Variants in ADAM12 observed in about 807,000 individuals in gnomAD.
The protein encoded by ADAM12 is disintegrin and metalloproteinase domain-containing protein 12.
In ADAM12, 70 loss-of-function variants were observed where a neutral mutation model predicts 106.4. The observed-to-expected ratio is 0.66, with a 90% confidence interval of 0.54 to 0.80. ADAM12 has a LOEUF of 0.80. Ranked by LOEUF, ADAM12 falls within the 30% of genes least tolerant of loss-of-function variation. ADAM12 has a pLI of 0.00. For synonymous variants in ADAM12, 420 were observed against 433.5 expected (o/e 0.97, Z 0.39); for missense variants, 1,010 against 1,171.9 (o/e 0.86, Z 2.02).
At chr10:126,338,453 C>T (rs1370818376) in intron 1 of ADAM12, among the ~76,000 whole-genome samples, 3 of 151,518 alleles carry the variant, frequency 2.0e-5, no homozygotes, top group Admixed American at 6.6e-5. Context: ...GGGGTTTCAC[C>T]GTTTTAGCCG....
chr10:126,185,068 C>T (rs1002928556), intron 3 of ADAM12, among the ~76,000 whole-genome samples: 3 of 152,182 alleles, frequency 2.0e-5, no homozygotes, highest in African/African-American at 7.2e-5. Flanking sequence ...TTCTCTCTTT[C>T]GGGGCCATAT....
intron 1 of ADAM12, among the ~76,000 whole-genome samples, chr10:126,378,127 G>A (rs1199245561): frequency 6.6e-6 from 1 of 152,054 alleles, no homozygotes; most frequent in Non-Finnish European, 1.5e-5. Context: ...ATCCAGCTTG[G>A]CAACATTTAA....
intron 3 of ADAM12, among the ~76,000 whole-genome samples, chr10:126,223,207 G>A (rs972833190): frequency 1.3e-5 from 2 of 152,174 alleles, no homozygotes; most frequent in Non-Finnish European, 2.9e-5. Flanking sequence ...AAATAAACTT[G>A]TGTTATTCAA....
intron 3 of ADAM12, among the ~76,000 whole-genome samples, chr10:126,195,401 C>T (rs1957578667): frequency 6.6e-6 from 1 of 151,912 alleles, no homozygotes; most frequent in Non-Finnish European, 1.5e-5. Context: ...ATGGTGAAAC[C>T]CCATCTCTAC....
chr10:126,046,086 T>G lies in ADAM12; in HGVS notation c.1964A>C (p.His655Pro). ...QCQNISVFGVHECAMQCHGRG... is the reference protein window; with the variant it reads ...QCQNISVFGVPECAMQCHGRG... ...GCCGTGGCACTGCATTGCACACTCG[T>G]GAACCCCAAAGACACTAATATTTTG... The change falls in exon 17 of 23, where the codon CAC (histidine) becomes CCC (proline). Residue 655 changes from histidine (H) to proline (P), a missense_variant. His to Pro is a moderately conservative substitution (Grantham distance 77). Around this residue, in one of 3 missense-constraint regions of ADAM12, gnomAD observed 615 missense variants for 708.5 expected, o/e 0.87. Coordinates refer to ENST00000448723, the MANE Select transcript of ADAM12 (RefSeq NM_001288973.2). The G allele has an allele frequency of 1.9e-6, 3 of 1,614,212 alleles. No homozygotes were observed. The highest frequency in any genetic ancestry group is 2.5e-6 in the Non-Finnish European group (3 of 1,180,016).
chr10:126,174,912 C>T (rs1044773178), intron 3 of ADAM12, among the ~76,000 whole-genome samples: 35 of 152,214 alleles, frequency 2.3e-4, no homozygotes, highest in African/African-American at 8.2e-4. Flanking sequence ...GCCACCACGC[C>T]CGGCTAATTT....
intron 14 of ADAM12, among the ~76,000 whole-genome samples, chr10:126,051,245 T>C (rs1954474091): frequency 6.6e-6 from 1 of 152,214 alleles, no homozygotes; most frequent in Non-Finnish European, 1.5e-5. Context: ...TTGGAAAAAC[T>C]GGCATCTAGA....
chr10:126,097,337 C>T (rs1043401190), intron 10 of ADAM12, among the ~76,000 whole-genome samples: 5 of 152,202 alleles, frequency 3.3e-5, no homozygotes, highest in African/African-American at 1.2e-4. Flanking sequence ...GCAGTCACCA[C>T]TCAAGCCAGA....
At chr10:126,159,898 AGAGTTCTT>A (rs530466861) in intron 3 of ADAM12, among the ~76,000 whole-genome samples, 23,273 of 152,178 alleles carry the variant, frequency 0.15, 1,952 homozygotes, top group Non-Finnish European at 0.19. Flanking sequence ...GGAGCTCTGG[AGAGTTCTT>A]AAGCACTGTG....
chr10:126,192,820 C>T (rs17154475), intron 3 of ADAM12, among the ~76,000 whole-genome samples: 10,579 of 152,312 alleles, frequency 0.069, 707 homozygotes, highest in African/African-American at 0.16. Context: ...CTATCTGGTC[C>T]TCCTCAAATG....
chr10:126,218,044 A>G (rs1444028890), intron 3 of ADAM12, among the ~76,000 whole-genome samples: 2 of 151,972 alleles, frequency 1.3e-5, no homozygotes, highest in Non-Finnish European at 2.9e-5. Context: ...ACATGGAAGT[A>G]TAACGTAAAT....
chr10:126,354,619 T>G (rs898021654), intron 1 of ADAM12, among the ~76,000 whole-genome samples: 2 of 152,176 alleles, frequency 1.3e-5, no homozygotes, highest in African/African-American at 4.8e-5. Context: ...TTAGCTTTTT[T>G]TAAAAAAATT....
chr10:126,133,645 C>T (rs1246948957), intron 5 of ADAM12, among the ~76,000 whole-genome samples: 1 of 151,552 alleles, frequency 6.6e-6, no homozygotes, highest in Non-Finnish European at 1.5e-5. Context: ...CTCCCTGGCA[C>T]CCATCACTGG....
chr10:126,121,217 T>TAC (rs1956100584), intron 5 of ADAM12, among the ~76,000 whole-genome samples: 1 of 103,552 alleles, frequency 9.7e-6, no homozygotes, highest in African/African-American at 4.0e-5. Context: ...ACTATATATA[T>TAC]TATATACTAT....
chr10:126,043,167 G>T lies in ADAM12; in HGVS notation c.1996-19C>A. 6.2e-7 allele frequency: 1 copy of T among 1,611,498 alleles called. No individual in the cohort carries two copies. The highest frequency in any genetic ancestry group is 1.1e-5 in the South Asian group (1 of 90,754). ...TGCACACCTTTCAGGGCAGAGGGGA[G>T]GGACGTGGGGTTAGGGCATATGCTC... On this transcript the variant is annotated intron_variant, in intron 17 of 22. Coordinates refer to ENST00000448723, the MANE Select transcript of ADAM12 (RefSeq NM_001288973.2). The surrounding 1 kb of genome is among the most constrained non-coding windows in gnomAD (Gnocchi z 4.1).
At chr10:126,050,692 C>T (rs1954459470) in intron 14 of ADAM12, among the ~76,000 whole-genome samples, 1 of 152,200 alleles carries the variant, frequency 6.6e-6, no homozygotes, top group Non-Finnish European at 1.5e-5. Context: ...GTTCTTCTTA[C>T]TAAAAACATC....
At chr10:126,374,414 CAA>C (rs1286184273) in intron 1 of ADAM12, among the ~76,000 whole-genome samples, 1 of 151,712 alleles carries the variant, frequency 6.6e-6, no homozygotes, top group African/African-American at 2.4e-5. Flanking sequence ...AAATGGATAA[CAA>C]TATATAAATC....
chr10:126,319,131 G>GT lies in ADAM12; in HGVS notation c.186+11280dup, dbSNP rs1854002365. Among the ~76,000 whole-genome samples the GT allele has an allele frequency of 6.6e-5, 10 of 152,254 alleles. No individual in the cohort carries two copies. In the South Asian group the frequency reaches 2.1e-3, roughly 32 times the overall value. The stretch of plus-strand genomic sequence containing the variant: ...ATAACCATAAGACCACATTAATGTC[G>GT]TTAAATGATTAAAAACATAAATAGG... On this transcript the variant is annotated intron_variant, in intron 2 of 22. Transcript: ENST00000448723.
chr10:126,014,435 CCG>C lies in ADAM12; in HGVS notation c.*2842_*2843del, dbSNP rs1485711791. ...AAGAAGGCATAAAAATGCCCCCCCCCCGAGACTCGTCAGGAGTATTGACTCTC... is the reference window on the plus strand; with the variant it reads ...AAGAAGGCATAAAAATGCCCCCCCCCAGACTCGTCAGGAGTATTGACTCTC... On this transcript the variant is annotated 3_prime_UTR_variant, in exon 23 of 23. Transcript: ENST00000448723. 13 of 140,998 alleles carry C rather than the reference CCG, an allele frequency of 9.2e-5. No individual in the cohort carries two copies. Among genetic ancestry groups the C allele is most frequent in the Non-Finnish European group, 1.7e-4 (11 of 63,820 alleles). 8.7% of individuals were successfully genotyped at this position (140,998 alleles called of 1,614,324 possible). A position where few individuals can be genotyped will look rare whatever the true frequency, so the allele number is the denominator to read the frequency against.
Sources: allele counts gnomAD v4.1 joint callset (sites outside exome capture counted in the v4.1 genomes callset), GRCh38; gene constraint gnomAD v4.1.1; regional missense constraint gnomAD v4.1.1; non-coding constraint Gnocchi (gnomAD v3.1); transcripts MANE v1.5; gene names NCBI Gene and HGNC (gene_info 2026-07-23, HGNC 2026-07-21).